CEP89: variants seen among roughly 807,000 people sequenced by gnomAD.
CEP89 encodes the protein centrosomal protein 89.
In CEP89, 95 loss-of-function variants were observed where a neutral mutation model predicts 97.6. That is an observed-to-expected ratio of 0.97 (90% CI 0.82 to 1.15). CEP89 has a LOEUF of 1.15. Among genes scored for constraint, CEP89 ranks in the 50% most tolerant of loss-of-function variants. The pLI is 0.00. For synonymous variants in CEP89, 354 were observed against 349.1 expected (o/e 1.01, Z -0.16); for missense variants, 869 against 947.7 (o/e 0.92, Z 1.09).
Position 32,962,871 on chromosome 19 carries a change from ACTGAACATGATC to A in CEP89, c.147-2825_147-2814del, listed in dbSNP as rs1379604076. On this transcript the variant is annotated intron_variant, in intron 2 of 18. Coordinates refer to ENST00000305768, the MANE Select transcript of CEP89 (RefSeq NM_032816.5). ...TGGATGAAAAATGTCATTGCCTCCA[ACTGAACATGATC>A]CTGAGTCCAACGGCCTTCCCAAGAT... Among the ~76,000 whole-genome samples the A allele has an allele frequency of 5.3e-5, 8 of 152,310 alleles. No homozygotes were observed. In the South Asian group the frequency reaches 1.5e-3, roughly 28 times the overall value.
chr19:32,914,674 A>G (rs1970082666), intron 14 of CEP89, among the ~76,000 whole-genome samples: 1 of 152,156 alleles, frequency 6.6e-6, no homozygotes, highest in Non-Finnish European at 1.5e-5. Flanking sequence ...GCAGCCCTCA[A>G]GGAGAGCCAG....
chr19:32,929,919 C>T (rs1264162932), intron 9 of CEP89, among the ~76,000 whole-genome samples: 2 of 151,736 alleles, frequency 1.3e-5, no homozygotes, highest in Non-Finnish European at 2.9e-5. Flanking sequence ...TTCATAGAGA[C>T]AGAAAATAGA....
chr19:32,906,670 T>A (rs1191522237), intron 14 of CEP89, among the ~76,000 whole-genome samples: 2 of 151,090 alleles, frequency 1.3e-5, no homozygotes, highest in African/African-American at 2.4e-5. Flanking sequence ...TCTAAAGCAG[T>A]CCTCCTGACT....
At chr19:32,906,535 T>C (rs923249287) in intron 14 of CEP89, among the ~76,000 whole-genome samples, 8 of 152,060 alleles carry the variant, frequency 5.3e-5, no homozygotes, top group African/African-American at 1.9e-4. Flanking sequence ...ATAGACTTAG[T>C]GTTCATTACA....
intron 9 of CEP89, among the ~76,000 whole-genome samples, chr19:32,930,543 C>G (rs1388998938): frequency 2.0e-5 from 3 of 152,122 alleles, no homozygotes; most frequent in Admixed American, 6.6e-5. Flanking sequence ...GCCTGAACTC[C>G]CAGGAGCCAT....
At chr19:32,931,677 G>A (rs1970476476) in intron 8 of CEP89, 106 bp from the exon 9 acceptor site, 3 of 853,976 alleles carry the variant, frequency 3.5e-6, no homozygotes, top group Admixed American at 3.1e-5. Flanking sequence ...CACGCTCAGA[G>A]GCAATGAACT....
chr19:32,906,617 GA>G lies in CEP89; in HGVS notation c.1566-5206del. Among the ~76,000 whole-genome samples, 3 of 151,774 alleles carry G rather than the reference GA, an allele frequency of 2.0e-5. No homozygotes were observed. In the East Asian group the frequency reaches 5.8e-4, roughly 29 times the overall value. ...TCTTGCTTCTCAGGCATCCTGCCTT[GA>G]ATCAACCATCCCCTCCTCAGGGGCC... On this transcript the variant is annotated intron_variant, in intron 14 of 18. Transcript: ENST00000305768.
At chr19:32,909,913 GA>G (rs1215532804) in intron 14 of CEP89, among the ~76,000 whole-genome samples, 1 of 151,874 alleles carries the variant, frequency 6.6e-6, no homozygotes, top group Non-Finnish European at 1.5e-5. Flanking sequence ...TGCAGCGAAT[GA>G]AAAAAAGACC....
At chr19:32,890,852 G>A (rs1032293387) in intron 16 of CEP89, among the ~76,000 whole-genome samples, 1 of 152,142 alleles carries the variant, frequency 6.6e-6, no homozygotes, top group African/African-American at 2.4e-5. Context: ...GGTAGCTGCA[G>A]CACAGTGGCA....
At chr19:32,894,843 T>C (rs1969606559) in intron 16 of CEP89, among the ~76,000 whole-genome samples, 1 of 152,234 alleles carries the variant, frequency 6.6e-6, no homozygotes. Context: ...CTTCACCTGC[T>C]CTTACTTTGG....
chr19:32,904,716 C>T (rs1969854041), intron 14 of CEP89, among the ~76,000 whole-genome samples: 1 of 151,994 alleles, frequency 6.6e-6, no homozygotes, highest in South Asian at 2.1e-4. Context: ...CTCAGCCTCC[C>T]AAGTAGCTGG....
chr19:32,964,509 C>T (rs947404659), intron 2 of CEP89, among the ~76,000 whole-genome samples: 5 of 152,032 alleles, frequency 3.3e-5, no homozygotes, highest in African/African-American at 1.2e-4. Flanking sequence ...TTCTAGTAAC[C>T]AAAAATTAGA....
rs148166691 is a variant in CEP89, at chr19:32,926,211, G to T, written c.1143C>A (p.Asp381Glu). Residue 381 changes from aspartate (D) to glutamate (E), a missense_variant, in exon 11 of 19, where the codon GAC becomes GAA. Physicochemically the swap from Asp to Glu is conservative, Grantham distance 45. Transcript: ENST00000305768. Reference sequence around the variant, plus strand: ...CTACCTTGAGGGTGGCATTGAGCTCGTCCTTCTCTTTCATCATATCTTCAT... The same window carrying T: ...CTACCTTGAGGGTGGCATTGAGCTCTTCCTTCTCTTTCATCATATCTTCAT... ...LAYEDMMKEK[D>E]ELNATLKEEM... 1 of 1,613,324 alleles carries T rather than the reference G, an allele frequency of 6.2e-7. No individual in the cohort carries two copies. The highest frequency in any genetic ancestry group is 8.5e-7 in the Non-Finnish European group (1 of 1,179,420).
In CEP89 at chr19:32,951,959, G is replaced by A. The variant is rs553611590; in HGVS notation, c.492+1656C>T. The stretch of plus-strand genomic sequence containing the variant: ...TAACATCGGTACAAAATAACCAGCC[G>A]GCAAGTGTGCGGGTGAGGAGCAGTG... On this transcript the variant is annotated intron_variant, in intron 4 of 18. Coordinates refer to ENST00000305768, the MANE Select transcript of CEP89 (RefSeq NM_032816.5). Among the ~76,000 whole-genome samples the A allele has an allele frequency of 3.3e-5, 5 of 152,180 alleles. No individual in the cohort carries two copies. The South Asian group carries it at 6.2e-4, about 19-fold the overall frequency.
At chr19:32,920,972 C>A (rs1345855729) in intron 12 of CEP89, among the ~76,000 whole-genome samples, 1 of 151,698 alleles carries the variant, frequency 6.6e-6, no homozygotes, top group Non-Finnish European at 1.5e-5. Context: ...AATCCCAGCA[C>A]TTTGGGAGGC....
chr19:32,902,814 G>GA (rs1401196739), intron 14 of CEP89, among the ~76,000 whole-genome samples: 2 of 152,222 alleles, frequency 1.3e-5, no homozygotes, highest in Non-Finnish European at 2.9e-5. Flanking sequence ...TGTGTGAGAG[G>GA]AAACTGCGTA....
chr19:32,892,092 A>ATG (rs1491162414), intron 16 of CEP89, among the ~76,000 whole-genome samples: 1 of 102,672 alleles, frequency 9.7e-6, no homozygotes, highest in East Asian at 2.8e-4. Flanking sequence ...AGAATTCTAA[A>ATG]TATATATATA....
chr19:32,966,348 T>C lies in CEP89; in HGVS notation c.146+12A>G, dbSNP rs1244478437. 1.3e-6 allele frequency: 2 copies of C among 1,483,728 alleles called. No individual in the cohort carries two copies. The highest frequency in any genetic ancestry group is 1.8e-6 in the Non-Finnish European group (2 of 1,096,122). 91.9% of individuals were successfully genotyped at this position (1,483,728 alleles called of 1,614,324 possible). The stretch of plus-strand genomic sequence containing the variant: ...CAGGGGTGACCTCAGTGCCTGCTCA[T>C]CTGATACTCACCTTGGTCTCTCTGG... On this transcript the variant is annotated intron_variant, in intron 2 of 18. Coordinates refer to ENST00000305768, the MANE Select transcript of CEP89 (RefSeq NM_032816.5).
chr19:32,955,500 G>A (rs1346341932), intron 3 of CEP89, among the ~76,000 whole-genome samples: 1 of 152,056 alleles, frequency 6.6e-6, no homozygotes, highest in Non-Finnish European at 1.5e-5. Context: ...CCGCCATAGA[G>A]TAAATTCTTT....
Sources: gnomAD v4.1 joint callset for allele counts (sites outside exome capture counted in the v4.1 genomes callset) on GRCh38, gnomAD v4.1.1 for gene constraint, MANE v1.5 for transcripts, NCBI Gene and HGNC (gene_info 2026-07-23, HGNC 2026-07-21) for gene names.